Variants in PPWD1 observed in about 807,000 individuals in gnomAD.
The protein encoded by PPWD1 is peptidylprolyl isomerase domain and WD repeat-containing protein 1.
A neutral mutation model predicts 68.8 loss-of-function variants in PPWD1; 43 were observed. That is an observed-to-expected ratio of 0.62 (90% CI 0.49 to 0.81). The LOEUF (loss-of-function observed/expected upper bound fraction) is 0.81, where lower values mean the gene tolerates loss of function less well. Ranked by LOEUF, PPWD1 falls within the 30% of genes least tolerant of loss-of-function variation. The pLI, the probability that PPWD1 is intolerant of heterozygous loss-of-function variation, is 0.00. For missense variants in PPWD1, 672 were observed against 804.8 expected, an observed-to-expected ratio of 0.83 and a Z score of 2.00; for synonymous variants, 232 against 258.7, an observed-to-expected ratio of 0.90 and a Z score of 0.99.
At chr5:65,566,638 T>A (rs1176468609) in intron 1 of PPWD1, among the ~76,000 whole-genome samples, 1 of 152,162 alleles carries the variant, frequency 6.6e-6, no homozygotes, top group East Asian at 1.9e-4. Flanking sequence ...CAACTTTTTT[T>A]AGGCACGTTT....
At chr5:65,581,079 A>G (rs2150605393) in intron 7 of PPWD1, among the ~76,000 whole-genome samples, 1 of 152,304 alleles carries the variant, frequency 6.6e-6, no homozygotes, top group East Asian at 1.9e-4. Context: ...AACTGATGTA[A>G]TGCTATTAAG....
chr5:65,586,317 G>A (rs1349748934), intron 10 of PPWD1, 136 bp downstream of exon 10: 2 of 897,476 alleles, frequency 2.2e-6, no homozygotes, highest in Non-Finnish European at 3.1e-6. Flanking sequence ...ATATGAAAAT[G>A]ATCAAGAATA....
chr5:65,563,818 G>A (rs1386648659), intron 1 of PPWD1: 6 of 1,506,292 alleles, frequency 4.0e-6, no homozygotes, highest in Middle Eastern at 1.7e-4. Flanking sequence ...ACATGAAGTT[G>A]GAATTTCGAA....
At chr5:65,566,030 A>G (rs1221086636) in intron 1 of PPWD1, among the ~76,000 whole-genome samples, 4 of 152,188 alleles carry the variant, frequency 2.6e-5, no homozygotes, top group Non-Finnish European at 5.9e-5. Flanking sequence ...ATAGCACTAT[A>G]TCTCTTCAGG....
intron 5 of PPWD1, among the ~76,000 whole-genome samples, chr5:65,573,384 CT>C (rs763130804): frequency 1.4e-5 from 2 of 147,680 alleles, no homozygotes; most frequent in Non-Finnish European, 1.5e-5. Flanking sequence ...CCTCCGCCCC[CT>C]GGGTTCAAGC....
At chr5:65,585,969 A>T in intron 9 of PPWD1, 30 bp from the exon 10 acceptor site, 1 of 1,607,226 alleles carries the variant, frequency 6.2e-7, no homozygotes, top group Admixed American at 1.7e-5. Context: ...GAAAAGGACA[A>T]TGTAATGTTT....
At position 65,570,112 on chromosome 5, in the gene PPWD1, T is replaced by A. The variant is rs1280103162; in HGVS notation, c.521+114T>A. On this transcript the variant is annotated intron_variant, in intron 4 of 10. Transcript: ENST00000261308. ...TATATTACCATATCTTTAAATAAAA[T>A]GTGCTGTTGGGTTTTGCTTGGAAAA... The A allele has an allele frequency of 9.1e-6, 11 of 1,215,340 alleles. No individual in the cohort carries two copies. The East Asian group carries it at 1.9e-4, about 20-fold the overall frequency. The allele number at this position is 1,215,340 out of a possible 1,614,324, so 75.3% of individuals were successfully genotyped here. A position where few individuals can be genotyped will look rare whatever the true frequency, so the allele number is the denominator to read the frequency against.
intron 1 of PPWD1, among the ~76,000 whole-genome samples, chr5:65,565,197 G>A (rs1280831440): frequency 6.6e-6 from 1 of 152,186 alleles, no homozygotes; most frequent in Non-Finnish European, 1.5e-5. Flanking sequence ...CCACTGCTAA[G>A]ACTGTAAACA....
chr5:65,584,927 G>C, intron 8 of PPWD1, 87 bp from the exon 9 acceptor site: 1 of 1,485,190 alleles, frequency 6.7e-7, no homozygotes, highest in Non-Finnish European at 9.0e-7. Context: ...ACATGGAAAG[G>C]AAACATCATT....
At chr5:65,572,379 A>T in intron 5 of PPWD1, 93 bp downstream of exon 5, 6 of 1,247,460 alleles carry the variant, frequency 4.8e-6, no homozygotes, top group Non-Finnish European at 6.6e-6. Context: ...ACAGATAGAC[A>T]TTTAGATAGA....
Position 65,586,110 on chromosome 5 carries a change from T to C in PPWD1, c.1726T>C (p.Tyr576His). 6.2e-7 allele frequency: 1 copy of C among 1,613,548 alleles called. No homozygotes were observed. Among genetic ancestry groups the C allele is most frequent in the Non-Finnish European group, 8.5e-7 (1 of 1,179,580 alleles). Reference protein sequence around the residue: ...FHSTLRHDRPYTLSMANAGSN... With the variant: ...FHSTLRHDRPHTLSMANAGSN... The stretch of plus-strand genomic sequence containing the variant: ...TTCAACATTACGACATGACAGGCCA[T>C]ACACACTCAGCATGGCTAACGCGGG... The change falls in exon 10 of 11, where the codon TAC (tyrosine) becomes CAC (histidine). Residue 576 changes from tyrosine (Y) to histidine (H), a missense_variant. Tyr to His is a moderately conservative substitution (Grantham distance 83, BLOSUM62 2). Transcript: ENST00000261308.
Position 65,563,348 on chromosome 5 carries a change from G to C in PPWD1, c.38G>C (p.Arg13Pro). The C allele has an allele frequency of 3.1e-6, 5 of 1,614,074 alleles. No homozygotes were observed. The highest frequency in any genetic ancestry group is 4.2e-6 in the Non-Finnish European group (5 of 1,180,008). Reference sequence around the variant, plus strand: ...AGTGGTAGCGATTTTCAGCAGAGACGTAGAAGGCGCCGGGACCCGGAGGAA... The same window carrying C: ...AGTGGTAGCGATTTTCAGCAGAGACCTAGAAGGCGCCGGGACCCGGAGGAA... The part of the protein sequence containing the change: ...AESGSDFQQR[R>P]RRRRDPEEPE... The change falls in exon 1 of 11, where the codon CGT becomes CCT. Residue 13 changes from arginine to proline, a missense_variant. This residue lies in a region of PPWD1 where 188 missense variants were observed against 158.6 expected (regional missense o/e 1.19). Transcript: ENST00000261308.
At chr5:65,566,099 TAGTA>T (rs1346819847) in intron 1 of PPWD1, among the ~76,000 whole-genome samples, 4 of 152,190 alleles carry the variant, frequency 2.6e-5, no homozygotes, top group African/African-American at 7.2e-5. Context: ...ATTGTGTTCT[TAGTA>T]AGTATTTGTC....
intron 9 of PPWD1, among the ~76,000 whole-genome samples, chr5:65,585,706 A>G (rs896163897): frequency 6.6e-6 from 1 of 152,200 alleles, no homozygotes; most frequent in African/African-American, 2.4e-5. Context: ...TATATAAAAC[A>G]TAACATACAG....
chr5:65,567,179 TC>T (rs1752814828), intron 1 of PPWD1, among the ~76,000 whole-genome samples: 1 of 152,108 alleles, frequency 6.6e-6, no homozygotes, highest in African/African-American at 2.4e-5. Flanking sequence ...TAATTTTTTT[TC>T]CTTTTTCTTT....
chr5:65,567,561 T>G lies in PPWD1; in HGVS notation c.245T>G (p.Met82Arg). Residue 82 changes from methionine (M) to arginine (R), a missense_variant, in exon 2 of 11, where the codon ATG becomes AGG. Transcript: ENST00000261308. ...VYLDNLPSAS[M>R]YERSYMHRDV... Reference sequence around the variant, plus strand: ...CTTGATAATCTCCCCAGTGCATCCATGTATGAGCGCAGTTACATGCATAGA... The same window carrying G: ...CTTGATAATCTCCCCAGTGCATCCAGGTATGAGCGCAGTTACATGCATAGA... 1 of 1,612,798 alleles carries G rather than the reference T, an allele frequency of 6.2e-7. No homozygotes were observed. The highest frequency in any genetic ancestry group is 8.5e-7 in the Non-Finnish European group (1 of 1,179,164).
Position 65,567,493 on chromosome 5 carries a change from C to T in PPWD1, c.197-20C>T, listed in dbSNP as rs56227785. On this transcript the variant is annotated intron_variant, in intron 1 of 10. Coordinates refer to ENST00000261308, the MANE Select transcript of PPWD1 (RefSeq NM_015342.4). Reference sequence around the variant, plus strand: ...TTATTTGTTAAAAATAGATCTTATACTTTACTTTTTTTTCTTCAGTCTTAG... The same window carrying T: ...TTATTTGTTAAAAATAGATCTTATATTTTACTTTTTTTTCTTCAGTCTTAG... 51,103 of 1,587,846 alleles carry T rather than the reference C, an allele frequency of 0.032. 1,041 individuals carry two copies. Among genetic ancestry groups the T allele is most frequent in the Non-Finnish European group, 0.038 (44,270 of 1,167,532 alleles).
rs1752405535 is a variant in PPWD1, at chr5:65,563,437, G to C, written c.127G>C (p.Asp43His). 1.9e-6 allele frequency: 3 copies of C among 1,614,034 alleles called. No homozygotes were observed. Among genetic ancestry groups the C allele is most frequent in the African/African-American group, 2.7e-5 (2 of 74,928 alleles). The change falls in exon 1 of 11, where the codon GAT becomes CAT. Residue 43 changes from aspartate (D) to histidine (H), a missense_variant. Physicochemically the swap from Asp to His is moderately conservative, Grantham distance 81. Coordinates refer to ENST00000261308, the MANE Select transcript of PPWD1 (RefSeq NM_015342.4). The stretch of plus-strand genomic sequence containing the variant: ...AGCAGTGGCGGTGTCCCAGGAGAAC[G>C]ATGAGGAGAACGAAGAGCGCTGGGT... ...AVAVAVSQEN[D>H]EENEERWVGP... is the part of the protein sequence containing the mutation.
intron 1 of PPWD1, 150 bp from the exon 2 acceptor site, chr5:65,567,361 CAT>C: frequency 8.4e-7 from 1 of 1,187,812 alleles, no homozygotes; most frequent in Non-Finnish European, 1.1e-6. Context: ...ACTGAGATAA[CAT>C]ACTGGATTTT....
Sources: allele counts gnomAD v4.1 joint callset (sites outside exome capture counted in the v4.1 genomes callset), GRCh38; gene constraint gnomAD v4.1.1; regional missense constraint gnomAD v4.1.1; transcripts MANE v1.5; gene names NCBI Gene and HGNC (gene_info 2026-07-23, HGNC 2026-07-21).